TLCD4: variants seen among roughly 807,000 people sequenced by gnomAD.
TLCD4 encodes TLC domain-containing protein 4.
A neutral mutation model predicts 24.2 loss-of-function variants in TLCD4; 7 were observed. The ratio of observed to expected loss-of-function variants is 0.29; its 90% CI spans 0.16 to 0.54. TLCD4 has a LOEUF of 0.54. TLCD4 is among the 20% of genes least tolerant of loss of function. The pLI is 0.95. For missense variants in TLCD4, 259 were observed against 313.9 expected, an observed-to-expected ratio of 0.82 and a Z score of 1.32; for synonymous variants, 103 against 106.4, an observed-to-expected ratio of 0.97 and a Z score of 0.20.
chr1:95,109,210 C>A, the TLCD4 span, among the ~76,000 whole-genome samples: 5 of 152,098 alleles, frequency 3.3e-5, no homozygotes, highest in East Asian at 9.7e-4. Context: ...GCCTACAGTC[C>A]CAGCTATCCA....
At chr1:95,123,686 C>T (rs1425099909) in intron 1 of TLCD4, among the ~76,000 whole-genome samples, 2 of 152,134 alleles carry the variant, frequency 1.3e-5, no homozygotes, top group East Asian at 3.8e-4. Context: ...AAAATGTGCC[C>T]AGAGTTATTT....
At chr1:95,191,120 A>G (rs1462402447) in intron 6 of TLCD4, among the ~76,000 whole-genome samples, 1 of 152,106 alleles carries the variant, frequency 6.6e-6, no homozygotes, top group African/African-American at 2.4e-5. Flanking sequence ...ATTTAGGTCT[A>G]TGATCCATTT....
At chr1:95,163,975 G>A (rs6696322) in intron 5 of TLCD4, 67,495 of 152,168 alleles carry the variant, frequency 0.44, 16,445 homozygotes, top group Middle Eastern at 0.58. Flanking sequence ...GAGGTAGTCT[G>A]TCTGTTCTCA....
At chr1:95,161,050 G>A (rs911999360) in intron 5 of TLCD4, among the ~76,000 whole-genome samples, 3 of 152,124 alleles carry the variant, frequency 2.0e-5, no homozygotes, top group African/African-American at 7.2e-5. Context: ...CTCTTTTTCT[G>A]TTGATTGGAA....
At chr1:95,124,953 T>G (rs1486078165) in intron 1 of TLCD4, among the ~76,000 whole-genome samples, 2 of 152,210 alleles carry the variant, frequency 1.3e-5, no homozygotes, top group Non-Finnish European at 2.9e-5. Flanking sequence ...AGAGCCACCA[T>G]TCTAAGAAGT....
chr1:95,176,499 A>AT (rs1267836566), intron 6 of TLCD4, among the ~76,000 whole-genome samples: 1 of 152,186 alleles, frequency 6.6e-6, no homozygotes, highest in African/African-American at 2.4e-5. Context: ...CCCTTTGCCC[A>AT]TTTTTAAATT....
At position 95,139,455 on chromosome 1, in the gene TLCD4, A is replaced by ATTTTTTTTTTTTTTTTTTTT. The variant is rs200337389; in HGVS notation, c.-11-4433_-11-4414dup. On this transcript the variant is annotated intron_variant, in intron 1 of 6. Transcript: ENST00000370203. ...ATAAACTTTTTTATTTAAACCTTTG[A>ATTTTTTTTTTTTTTTTTTTT]TTTTTTTTTTTTTTTTTTTTTTGAG... Among the ~76,000 whole-genome samples, 10 of 93,992 alleles carry ATTTTTTTTTTTTTTTTTTTT rather than the reference A, an allele frequency of 1.1e-4. 1 individual carries two copies. The highest frequency in any genetic ancestry group is 2.0e-4 in the African/African-American group (5 of 24,772). The allele number at this position is 93,992 out of a possible 152,430, so 61.7% of individuals were successfully genotyped here.
At chr1:95,160,511 C>G (rs1287683553) in intron 5 of TLCD4, among the ~76,000 whole-genome samples, 1 of 152,154 alleles carries the variant, frequency 6.6e-6, no homozygotes, top group African/African-American at 2.4e-5. Flanking sequence ...TTTCTCCTGC[C>G]TGATTGCCCT....
At chr1:95,177,486 G>A (rs545626993) in intron 6 of TLCD4, among the ~76,000 whole-genome samples, 1 of 152,280 alleles carries the variant, frequency 6.6e-6, no homozygotes, top group African/African-American at 2.4e-5. Flanking sequence ...GCAGGAAGAT[G>A]TTCAGGACAA....
intron 5 of TLCD4, among the ~76,000 whole-genome samples, chr1:95,152,800 A>G (rs1014128141): frequency 6.6e-6 from 1 of 152,082 alleles, no homozygotes; most frequent in African/African-American, 2.4e-5. Flanking sequence ...TTATCAAATA[A>G]ACCTGACAAG....
At chr1:95,168,583 T>A (rs1206786472) in intron 5 of TLCD4, among the ~76,000 whole-genome samples, 2 of 63,514 alleles carry the variant, frequency 3.1e-5, no homozygotes, top group African/African-American at 6.1e-5. Context: ...TTTTTTTTTT[T>A]AAGAGACGGG....
chr1:95,163,319 A>G (rs1480658732), intron 5 of TLCD4: 2 of 152,106 alleles, frequency 1.3e-5, no homozygotes, highest in South Asian at 2.1e-4. Context: ...CATGTGTCAT[A>G]TAGTTCTCGT....
chr1:95,128,237 A>G (rs1676797363), intron 1 of TLCD4, among the ~76,000 whole-genome samples: 1 of 152,228 alleles, frequency 6.6e-6, no homozygotes, highest in Admixed American at 6.5e-5. Flanking sequence ...TGAGAAGCAG[A>G]GGAGCTGAAG....
At position 95,140,468 on chromosome 1, in the gene TLCD4, C is replaced by T. The variant is rs796722908; in HGVS notation, c.-11-3423C>T. Reference sequence around the variant, plus strand: ...GTACTTCAGACCTTTTCATGTTTTTCCCTACTAAGAAATCAGTGTCAATTA... The same window carrying T: ...GTACTTCAGACCTTTTCATGTTTTTTCCTACTAAGAAATCAGTGTCAATTA... On this transcript the variant is annotated intron_variant, in intron 1 of 6. Transcript: ENST00000370203. Among the ~76,000 whole-genome samples the T allele has an allele frequency of 2.0e-5, 3 of 151,876 alleles. No individual in the cohort carries two copies. The South Asian group carries it at 6.2e-4, about 31-fold the overall frequency.
intron 6 of TLCD4, among the ~76,000 whole-genome samples, chr1:95,177,951 GTT>G (rs202047214): frequency 2.7e-5 from 3 of 110,516 alleles, no homozygotes; most frequent in Non-Finnish European, 5.7e-5. Context: ...TTTTTTTTTT[GTT>G]TTTTTTTGTT....
intron 1 of TLCD4, among the ~76,000 whole-genome samples, chr1:95,140,424 C>G (rs188457953): frequency 1.9e-3 from 290 of 152,294 alleles, no homozygotes; most frequent in African/African-American, 6.7e-3. Flanking sequence ...ACTGAAACAT[C>G]GTTATGCAGT....
intron 5 of TLCD4, among the ~76,000 whole-genome samples, chr1:95,168,149 G>C (rs935621806): frequency 1.3e-5 from 2 of 152,162 alleles, no homozygotes; most frequent in Non-Finnish European, 2.9e-5. Flanking sequence ...CAACAGCCCT[G>C]TTTAAAAGTA....
the TLCD4 span, among the ~76,000 whole-genome samples, chr1:95,098,984 CG>C: frequency 8.0e-6 from 1 of 125,722 alleles, no homozygotes; most frequent in African/African-American, 3.0e-5. Flanking sequence ...TCACTTGAAG[CG>C]GAGGTTGTGG....
chr1:95,136,549 A>G (rs1356306037), intron 1 of TLCD4, among the ~76,000 whole-genome samples: 2 of 152,236 alleles, frequency 1.3e-5, no homozygotes, highest in African/African-American at 2.4e-5. Flanking sequence ...CAGGACCAAA[A>G]AAGAGAAAAT....
Sources: gnomAD v4.1 joint callset for allele counts (sites outside exome capture counted in the v4.1 genomes callset) on GRCh38, gnomAD v4.1.1 for gene constraint, MANE v1.5 for transcripts, NCBI Gene and HGNC (gene_info 2026-07-23, HGNC 2026-07-21) for gene names.